The following DNAH5 variants were observed in gnomAD, a reference collection of about 807,000 sequenced individuals.
DNAH5 encodes the protein axonemal beta dynein heavy chain 5.
In DNAH5, 372 loss-of-function variants were observed where a neutral mutation model predicts 518.2. That is an observed-to-expected ratio of 0.72 (90% confidence interval 0.66 to 0.78). DNAH5 has a LOEUF of 0.78. Ranked by LOEUF, DNAH5 falls within the 30% of genes least tolerant of loss-of-function variation. DNAH5 has a pLI of 0.00. For missense variants in DNAH5, 5,523 were observed against 5,687.0 expected (o/e 0.97, Z 0.93); for synonymous variants, 2,039 against 2,025.9 (o/e 1.01, Z -0.17).
At chr5:13,957,657 G>C (rs1036097328) in intron 1 of DNAH5, among the ~76,000 whole-genome samples, 1 of 151,686 alleles carries the variant, frequency 6.6e-6, no homozygotes, top group Non-Finnish European at 1.5e-5. Context: ...CTTTAAAGAG[G>C]AAAATATGTA....
chr5:13,980,244 T>C (rs923957820), intron 1 of DNAH5, among the ~76,000 whole-genome samples: 1 of 152,052 alleles, frequency 6.6e-6, no homozygotes, highest in Non-Finnish European at 1.5e-5. Context: ...CCCTCAGACC[T>C]TTAAGGTTAT....
chr5:13,774,476 G>GA (rs1187968248), intron 55 of DNAH5, among the ~76,000 whole-genome samples: 3 of 152,098 alleles, frequency 2.0e-5, no homozygotes, highest in Non-Finnish European at 4.4e-5. Context: ...CTAGACCGGA[G>GA]AAAAAATTGA....
chr5:13,698,748 G>T (rs1034878121), intron 78 of DNAH5, among the ~76,000 whole-genome samples: 1 of 152,186 alleles, frequency 6.6e-6, no homozygotes, highest in Non-Finnish European at 1.5e-5. Flanking sequence ...CAACAAACAG[G>T]ACACTTAGTT....
Position 13,810,237 on chromosome 5 carries a change from C to G in DNAH5, c.7431G>C (p.Gln2477His). 6.4e-7 allele frequency: 1 copy of G among 1,550,640 alleles called. No homozygotes were observed. The highest frequency in any genetic ancestry group is 8.7e-7 in the Non-Finnish European group (1 of 1,146,926). ...PLKEQGGEVS[Q>H]AHLGRLFVFA... is the part of the protein sequence containing the mutation. ...ACACGAACAGCCGCCCCAGGTGAGC[C>G]TGGCTCACCTCCCCGCCTTGCTCCT... The change falls in exon 45 of 79, where the codon CAG becomes CAC. Residue 2477 changes from glutamine to histidine, a missense_variant. Coordinates refer to ENST00000265104, the MANE Select transcript of DNAH5 (RefSeq NM_001369.3).
chr5:13,892,253 C>T (rs1459903971), intron 16 of DNAH5, among the ~76,000 whole-genome samples: 2 of 152,200 alleles, frequency 1.3e-5, no homozygotes, highest in African/African-American at 2.4e-5. Context: ...TAACGGACTG[C>T]TTCTTCATCT....
At chr5:13,862,796 T>G (rs759773469) in intron 28 of DNAH5, 49 bp from the exon 29 acceptor site, 2 of 1,493,742 alleles carry the variant, frequency 1.3e-6, no homozygotes, top group South Asian at 2.3e-5. Context: ...TCACACGTCC[T>G]TCCTTAATAG....
At position 13,830,694 on chromosome 5, in the gene DNAH5, T is replaced by C. The variant is rs777037320; in HGVS notation, c.5964A>G (p.Glu1988=). The C allele has an allele frequency of 1.2e-6, 2 of 1,614,186 alleles. No homozygotes were observed. Among genetic ancestry groups the C allele is most frequent in the Admixed American group, 3.3e-5 (2 of 60,026 alleles). ...GGCATCGTCCCATGTCTTTAGTGGT[T>C]TCTGTTTTGCCTGTGCCTGCAGGTC... is the stretch of plus-strand genomic sequence containing the variant. ...PAGPAGTGKT[E]TTKDMGRCLG... is the part of the protein sequence containing the mutation. Residue 1988 remains glutamate (E), a synonymous_variant, in exon 36 of 79, where the codon GAA becomes GAG. Transcript: ENST00000265104.
intron 15 of DNAH5, 177 bp downstream of exon 15, chr5:13,900,029 G>A (rs1774375537): frequency 3.3e-6 from 2 of 612,272 alleles, no homozygotes; most frequent in Admixed American, 3.0e-5. Flanking sequence ...TGGCCTGCAA[G>A]ACCTGTAACG....
rs1364546686 is a variant in DNAH5 at position 13,839,475 on chromosome 5, T to C, written c.5763A>G (p.Arg1921=). The change falls in exon 35 of 79, where the codon AGA becomes AGG. Residue 1921 remains arginine, a synonymous_variant. Transcript: ENST00000265104. The part of the protein sequence containing the change: ...PMDFEWLKQC[R]FYFNEDSDKM... ...TGTCAGAATCTTCGTTAAAGTAAAA[T>C]CTGCACTGTTTCAGCCACTCAAAGT... 6.2e-7 allele frequency: 1 copy of C among 1,613,960 alleles called. No homozygotes were observed. Among genetic ancestry groups the C allele is most frequent in the Non-Finnish European group, 8.5e-7 (1 of 1,179,948 alleles).
chr5:13,893,942 C>T (rs928162208), intron 16 of DNAH5, among the ~76,000 whole-genome samples: 8 of 151,146 alleles, frequency 5.3e-5, no homozygotes, highest in South Asian at 2.1e-4. Flanking sequence ...ACCATTACCA[C>T]GTTCCAAACT....
At chr5:13,770,600 C>T in intron 56 of DNAH5, 149 bp downstream of exon 56, 1 of 718,254 alleles carries the variant, frequency 1.4e-6, no homozygotes, top group South Asian at 1.5e-5. Flanking sequence ...CTACCCACTA[C>T]ATGCCAGCAG....
rs769824654 is a variant in DNAH5, at chr5:13,714,501, G to T, written c.13029C>A (p.Asp4343Glu). Residue 4343 changes from aspartate (D) to glutamate (E), a missense_variant, in exon 75 of 79, where the codon GAC (aspartate) becomes GAA (glutamate). Coordinates refer to ENST00000265104, the MANE Select transcript of DNAH5 (RefSeq NM_001369.3). ...GGGTCTCATCCCCTCCACCAGAGGT[G>T]TCCTTGGGTTGGATGCCTAGGATGG... is the stretch of plus-strand genomic sequence containing the variant. ...LDTILGIQPK[D>E]TSGGGDETRE... 6.2e-7 allele frequency: 1 copy of T among 1,614,142 alleles called. No individual in the cohort carries two copies. The highest frequency in any genetic ancestry group is 1.1e-5 in the South Asian group (1 of 91,090).
chr5:13,990,117 A>G (rs1283322837), intron 1 of DNAH5, among the ~76,000 whole-genome samples: 1 of 152,202 alleles, frequency 6.6e-6, no homozygotes, highest in Non-Finnish European at 1.5e-5. Flanking sequence ...TTAAATAATA[A>G]AACATGAGAA....
chr5:13,818,283 A>G (rs1339182462), intron 41 of DNAH5, among the ~76,000 whole-genome samples: 1 of 152,262 alleles, frequency 6.6e-6, no homozygotes, highest in Admixed American at 6.5e-5. Context: ...AGAAGAGTGA[A>G]CAATAAGGTT....
chr5:13,987,185 T>C (rs969628236), intron 1 of DNAH5, among the ~76,000 whole-genome samples: 4 of 152,046 alleles, frequency 2.6e-5, no homozygotes, highest in African/African-American at 7.3e-5. Flanking sequence ...CACTTTTCCC[T>C]CACTCTTGCC....
chr5:13,920,532 G>A lies in DNAH5; in HGVS notation c.746C>T (p.Thr249Ile). The A allele has an allele frequency of 6.2e-7, 1 of 1,614,124 alleles. No individual in the cohort carries two copies. The highest frequency in any genetic ancestry group is 1.1e-5 in the South Asian group (1 of 91,084). The stretch of plus-strand genomic sequence containing the variant: ...CATGCAATCCTCTATTTTTCCCAAA[G>A]TCTCAGGGTTATTTGCTAGAGTCAA... ...DYLTLANNPE[T>I]LGKIEDCMKV... is the part of the protein sequence containing the mutation. The change falls in exon 6 of 79, where the codon ACT (threonine) becomes ATT (isoleucine). Residue 249 changes from threonine (T) to isoleucine (I), a missense_variant. Physicochemically the swap from Thr to Ile is moderately conservative, Grantham distance 89. This residue lies in a region of DNAH5 where 5,121 missense variants were observed against 5,223.3 expected (regional missense o/e 0.98). Transcript: ENST00000265104.
chr5:13,943,383 T>C (rs560525206), intron 1 of DNAH5, among the ~76,000 whole-genome samples: 1 of 152,192 alleles, frequency 6.6e-6, no homozygotes. Context: ...CTATAAGACA[T>C]CGAAGGAAAG....
rs138628456 is a variant in DNAH5, at chr5:13,938,551, A to T, written c.57+5831T>A. Among the ~76,000 whole-genome samples the T allele has an allele frequency of 8.3e-4, 125 of 149,930 alleles. No homozygotes were observed. In the East Asian group the frequency reaches 0.022, roughly 27 times the overall value. On this transcript the variant is annotated intron_variant, in intron 1 of 78. Coordinates refer to ENST00000265104, the MANE Select transcript of DNAH5 (RefSeq NM_001369.3). ...ATATATGTACATATGTATATATAAA[A>T]AATGTAAATATATAAACGTACATAT...
At chr5:13,879,580 C>G (rs555910136) in intron 21 of DNAH5, among the ~76,000 whole-genome samples, 1 of 151,844 alleles carries the variant, frequency 6.6e-6, no homozygotes, top group South Asian at 2.1e-4. Flanking sequence ...AATGCAAAAA[C>G]AAACTGAGAA....
Sources: gnomAD v4.1 joint callset for allele counts (sites outside exome capture counted in the v4.1 genomes callset) on GRCh38, gnomAD v4.1.1 for gene constraint, gnomAD v4.1.1 regional missense constraint, MANE v1.5 for transcripts, NCBI Gene and HGNC (gene_info 2026-07-23, HGNC 2026-07-21) for gene names.